TMEM38B: variants seen among roughly 807,000 people sequenced by gnomAD.
The protein encoded by TMEM38B is trimeric intracellular cation channel type B.
TMEM38B carries 24 observed loss-of-function variants against 28.7 expected under a neutral mutation model. The ratio of observed to expected loss-of-function variants is 0.84; its 90% CI spans 0.61 to 1.18. The LOEUF (loss-of-function observed/expected upper bound fraction) is 1.18. Ranked by LOEUF, TMEM38B falls within the 50% of genes most tolerant of loss-of-function variation. TMEM38B has a pLI of 0.00. For missense variants in TMEM38B, 380 were observed against 350.9 expected (o/e 1.08, Z -0.66); for synonymous variants, 131 against 127.7 (o/e 1.03, Z -0.17).
rs561398748 is a variant in TMEM38B, at chr9:105,695,852, T to C, written c.112+1080T>C. 2.6e-5 allele frequency among the ~76,000 whole-genome samples: 4 copies of C among 152,344 alleles called. No individual in the cohort carries two copies. The South Asian group carries it at 8.3e-4, about 32-fold the overall frequency. On this transcript the variant is annotated intron_variant, in intron 1 of 5. Transcript: ENST00000374692. The stretch of plus-strand genomic sequence containing the variant: ...TCGTTGGTACAAATTTTGACCTGGA[T>C]GAGGATGGTATTACTGCATTAAAGT...
chr9:105,698,720 G>A (rs1022980540), intron 1 of TMEM38B, among the ~76,000 whole-genome samples: 1 of 152,010 alleles, frequency 6.6e-6, no homozygotes, highest in Admixed American at 6.6e-5. Flanking sequence ...TTGGGCCCAA[G>A]GTTATGCTGT....
Position 105,694,591 on chromosome 9 carries a change from T to A in TMEM38B, c.-70T>A. 3 of 1,333,728 alleles carry A rather than the reference T, an allele frequency of 2.2e-6. No individual in the cohort carries two copies. The highest frequency in any genetic ancestry group is 2.1e-6 in the Non-Finnish European group (2 of 931,724). 82.6% of individuals were successfully genotyped at this position (1,333,728 alleles called of 1,614,324 possible). ...GGGCGGCCGCGGCTGTGCCCTCTCC[T>A]ACTCCTCACCGCGCGAGCGCGGGGA... is the stretch of plus-strand genomic sequence containing the variant. On this transcript the variant is annotated 5_prime_UTR_variant, in exon 1 of 6. Transcript: ENST00000374692.
chr9:105,699,460 A>G (rs1345811323), intron 1 of TMEM38B, among the ~76,000 whole-genome samples: 1 of 152,152 alleles, frequency 6.6e-6, no homozygotes, highest in East Asian at 1.9e-4. Flanking sequence ...TCTGCCACTA[A>G]CAATACCTCA....
At chr9:105,758,010 A>G (rs575485242) in intron 5 of TMEM38B, among the ~76,000 whole-genome samples, 7 of 152,370 alleles carry the variant, frequency 4.6e-5, no homozygotes, top group South Asian at 4.1e-4. Flanking sequence ...TACGGGGCAC[A>G]ACTTTATCAG....
chr9:105,749,239 A>T (rs377728409), intron 5 of TMEM38B: 9 of 497,620 alleles, frequency 1.8e-5, no homozygotes, highest in African/African-American at 1.7e-4. Flanking sequence ...GTCTGTTCTC[A>T]TGCTGCTAAT....
intron 1 of TMEM38B, among the ~76,000 whole-genome samples, chr9:105,704,057 G>T (rs1230977941): frequency 1.4e-5 from 2 of 139,702 alleles, no homozygotes; most frequent in Non-Finnish European, 3.1e-5. Flanking sequence ...ACAGAAAGGG[G>T]AATATCACAC....
intron 2 of TMEM38B, among the ~76,000 whole-genome samples, chr9:105,709,053 A>C (rs1046348851): frequency 6.6e-6 from 1 of 152,018 alleles, no homozygotes; most frequent in African/African-American, 2.4e-5. Context: ...GTCCCCTATA[A>C]AATGTACATG....
At position 105,764,280 on chromosome 9, in the gene TMEM38B, G is replaced by A. The variant is rs918501354; in HGVS notation, c.661-9585G>A. On this transcript the variant is annotated intron_variant, in intron 5 of 5. Transcript: ENST00000374692. ...TAAAGGGTATTCAGTTAGGAAAAGAGGAAGTCAAATTGTCCCTGTTTGCAG... is the reference window on the plus strand; with the variant it reads ...TAAAGGGTATTCAGTTAGGAAAAGAAGAAGTCAAATTGTCCCTGTTTGCAG... Among the ~76,000 whole-genome samples, 714 of 152,274 alleles carry A rather than the reference G, an allele frequency of 4.7e-3. 4 individuals carry two copies. The highest frequency in any genetic ancestry group is 8.1e-3 in the Non-Finnish European group (550 of 68,016).
At chr9:105,769,137 A>G (rs567969412) in intron 5 of TMEM38B, among the ~76,000 whole-genome samples, 1 of 152,312 alleles carries the variant, frequency 6.6e-6, no homozygotes, top group Non-Finnish European at 1.5e-5. Context: ...GGGATAAAGG[A>G]CCAAAACCTG....
intron 4 of TMEM38B, 125 bp from the exon 5 acceptor site, chr9:105,747,948 A>G: frequency 1.6e-6 from 1 of 642,022 alleles, no homozygotes; most frequent in East Asian, 2.7e-5. Flanking sequence ...TGTTTTAACA[A>G]AACTCATTTT....
chr9:105,759,897 A>G, intron 5 of TMEM38B: 2 of 1,594,006 alleles, frequency 1.3e-6, no homozygotes, highest in Non-Finnish European at 1.7e-6. Flanking sequence ...GTATCAACAC[A>G]CCAGTGGCTG....
At chr9:105,715,839 G>A (rs1336087458) in intron 2 of TMEM38B, among the ~76,000 whole-genome samples, 1 of 151,980 alleles carries the variant, frequency 6.6e-6, no homozygotes. Context: ...ATAGTTTACA[G>A]TTTTGATCTG....
At chr9:105,721,286 A>G (rs112598478) in intron 2 of TMEM38B, among the ~76,000 whole-genome samples, 2 of 152,180 alleles carry the variant, frequency 1.3e-5, no homozygotes, top group Non-Finnish European at 2.9e-5. Context: ...TCATATATCT[A>G]TAAAGTATTC....
Position 105,705,722 on chromosome 9 carries a change from C to T in TMEM38B, c.238C>T (p.His80Tyr), listed in dbSNP as rs1405886790. Residue 80 changes from histidine to tyrosine, a missense_variant, in exon 2 of 6, where the codon CAC becomes TAC. Coordinates refer to ENST00000374692, the MANE Select transcript of TMEM38B (RefSeq NM_018112.3). ...GCCTCCATTGAAGTTTCTTGCAAAC[C>T]ACACTAACATATTACTGGCATCTTC... ...AEPPLKFLANHTNILLASSIW... is the reference protein window; with the variant it reads ...AEPPLKFLANYTNILLASSIW... 1 of 1,613,722 alleles carries T rather than the reference C, an allele frequency of 6.2e-7. No individual in the cohort carries two copies. Among genetic ancestry groups the T allele is most frequent in the Admixed American group, 1.7e-5 (1 of 60,020 alleles).
chr9:105,730,799 T>C (rs980892669), intron 4 of TMEM38B, among the ~76,000 whole-genome samples: 3 of 152,082 alleles, frequency 2.0e-5, no homozygotes, highest in African/African-American at 7.2e-5. Flanking sequence ...CTTGGGAGGG[T>C]GTATGTGTCC....
intron 5 of TMEM38B, among the ~76,000 whole-genome samples, chr9:105,761,615 AG>A (rs35464429): frequency 1.3e-5 from 2 of 152,210 alleles, no homozygotes; most frequent in African/African-American, 4.8e-5. Context: ...TACTGCAATC[AG>A]GGCATATAGA....
intron 2 of TMEM38B, among the ~76,000 whole-genome samples, chr9:105,716,362 C>T (rs1032512217): frequency 8.5e-6 from 1 of 118,012 alleles, no homozygotes; most frequent in Non-Finnish European, 1.7e-5. Flanking sequence ...GAACCTCTGT[C>T]AGTTGTAGCA....
At chr9:105,733,395 G>T (rs2133595153) in intron 4 of TMEM38B, among the ~76,000 whole-genome samples, 1 of 149,964 alleles carries the variant, frequency 6.7e-6, no homozygotes, top group South Asian at 2.1e-4. Context: ...TTTCATGAGA[G>T]ATATTGGCTT....
At chr9:105,696,627 A>G (rs1835299165) in intron 1 of TMEM38B, among the ~76,000 whole-genome samples, 1 of 152,256 alleles carries the variant, frequency 6.6e-6, no homozygotes, top group Non-Finnish European at 1.5e-5. Flanking sequence ...GGAAGCTGAG[A>G]GGCTGAGGAA....
Sources: allele counts gnomAD v4.1 joint callset (sites outside exome capture counted in the v4.1 genomes callset), GRCh38; gene constraint gnomAD v4.1.1; transcripts MANE v1.5; gene names NCBI Gene and HGNC (gene_info 2026-07-23, HGNC 2026-07-21).